CNTNAP5: variants seen among roughly 807,000 people sequenced by gnomAD.
The protein encoded by CNTNAP5 is contactin-associated protein-like 5.
Under a neutral mutation model 150.2 loss-of-function variants are expected in CNTNAP5, and 72 were observed. That is an observed-to-expected ratio of 0.48 (90% CI 0.40 to 0.58). CNTNAP5 has a LOEUF of 0.58. CNTNAP5 is among the 20% of genes least tolerant of loss of function. CNTNAP5 has a pLI of 0.00. For synonymous variants in CNTNAP5, 672 were observed against 619.8 expected (o/e 1.08, Z -1.25); for missense variants, 1,636 against 1,626.2 (o/e 1.01, Z -0.10).
intron 1 of CNTNAP5, among the ~76,000 whole-genome samples, chr2:124,172,162 A>C (rs1558785693): frequency 6.6e-6 from 1 of 152,214 alleles, no homozygotes; most frequent in Non-Finnish European, 1.5e-5. Context: ...AATTCTTGAG[A>C]GTACCAAGAA....
chr2:124,122,279 C>T (rs575513084), intron 1 of CNTNAP5, among the ~76,000 whole-genome samples: 17 of 152,250 alleles, frequency 1.1e-4, no homozygotes, highest in Admixed American at 2.0e-4. Flanking sequence ...AATGATATTA[C>T]TAATTAAATC....
At chr2:124,207,102 A>T (rs1380349809) in intron 1 of CNTNAP5, among the ~76,000 whole-genome samples, 1 of 152,224 alleles carries the variant, frequency 6.6e-6, no homozygotes, top group Non-Finnish European at 1.5e-5. Context: ...AGAAACGAGA[A>T]TCCCTTCCTA....
At chr2:124,417,213 C>T (rs891698256) in intron 3 of CNTNAP5, among the ~76,000 whole-genome samples, 2 of 152,086 alleles carry the variant, frequency 1.3e-5, no homozygotes, top group African/African-American at 4.8e-5. Flanking sequence ...GCTGGGATTA[C>T]AGGAGTGAGC....
At chr2:124,080,287 C>T (rs1682530701) in intron 1 of CNTNAP5, among the ~76,000 whole-genome samples, 1 of 152,086 alleles carries the variant, frequency 6.6e-6, no homozygotes, top group Non-Finnish European at 1.5e-5. Context: ...ATTTAGTAAG[C>T]TAAAATTTCA....
At chr2:124,716,807 A>G (rs1371358953) in intron 13 of CNTNAP5, among the ~76,000 whole-genome samples, 1 of 152,156 alleles carries the variant, frequency 6.6e-6, no homozygotes, top group Non-Finnish European at 1.5e-5. Context: ...AGGATGAGAG[A>G]AAATAAAATT....
At chr2:124,665,770 C>T (rs1239274286) in intron 13 of CNTNAP5, among the ~76,000 whole-genome samples, 1 of 151,886 alleles carries the variant, frequency 6.6e-6, no homozygotes, top group Admixed American at 6.6e-5. Flanking sequence ...CCTGTAGTCC[C>T]AGCTGCTTAG....
intron 19 of CNTNAP5, among the ~76,000 whole-genome samples, chr2:124,829,086 G>T (rs1354599166): frequency 1.3e-5 from 2 of 152,102 alleles, no homozygotes; most frequent in Non-Finnish European, 1.5e-5. Context: ...AAGGGCTAGG[G>T]TCATTCATAC....
chr2:124,034,025 C>G (rs1022759087), intron 1 of CNTNAP5, among the ~76,000 whole-genome samples: 11 of 152,108 alleles, frequency 7.2e-5, no homozygotes, highest in Admixed American at 5.2e-4. Flanking sequence ...GTGTGCAAAA[C>G]AAGTGTTGCT....
chr2:124,180,005 G>A (rs1685172206), intron 1 of CNTNAP5, among the ~76,000 whole-genome samples: 1 of 151,794 alleles, frequency 6.6e-6, no homozygotes, highest in Non-Finnish European at 1.5e-5. Flanking sequence ...AGGTAATTTG[G>A]GTAATTCCAC....
At chr2:124,285,326 G>T (rs764836688) in intron 3 of CNTNAP5, among the ~76,000 whole-genome samples, 1 of 152,104 alleles carries the variant, frequency 6.6e-6, no homozygotes, top group Non-Finnish European at 1.5e-5. Flanking sequence ...CATAGGCTGA[G>T]CTCCCTTTTC....
chr2:124,058,593 T>C (rs935799704), intron 1 of CNTNAP5, among the ~76,000 whole-genome samples: 1 of 152,188 alleles, frequency 6.6e-6, no homozygotes, highest in Non-Finnish European at 1.5e-5. Flanking sequence ...TAGTATACCA[T>C]TGTATATATC....
At position 124,035,022 on chromosome 2, in the gene CNTNAP5, CT is replaced by C. The variant is rs1681174432; in HGVS notation, c.82+9292del. 2.8e-4 allele frequency among the ~76,000 whole-genome samples: 7 copies of C among 24,760 alleles called. No homozygotes were observed. In the East Asian group the frequency reaches 3.9e-3, roughly 14 times the overall value. The allele number at this position is 24,760 out of a possible 152,430, so 16.2% of individuals were successfully genotyped here. On this transcript the variant is annotated intron_variant, in intron 1 of 23. Coordinates refer to ENST00000682447, the MANE Select transcript of CNTNAP5 (RefSeq NM_001367498.1). ...CCCTCCCCTCCCCTCCCCTCCCTCCCTTCCTTCCTTCCTTCTTCAGATATTT... is the reference window on the plus strand; with the variant it reads ...CCCTCCCCTCCCCTCCCCTCCCTCCCTCCTTCCTTCCTTCTTCAGATATTT...
rs200562881 is a variant in CNTNAP5 at position 124,242,357 on chromosome 2, C to T, written c.345C>T (p.Arg115=). ...GCCTGATGTTCAGTGACACAGGACG[C>T]AACTGGAAACAGTACAAACAAGAAG... ...SYSLMFSDTG[R]NWKQYKQEDS... The change falls in exon 3 of 24, where the codon CGC becomes CGT. Residue 115 remains arginine (R), a synonymous_variant. Transcript: ENST00000682447. 1.4e-4 allele frequency: 220 copies of T among 1,613,086 alleles called. No individual in the cohort carries two copies. Among genetic ancestry groups the T allele is most frequent in the Non-Finnish European group, 3.2e-5 (38 of 1,179,640 alleles).
At chr2:124,122,785 CACACACA>C (rs1558764181) in intron 1 of CNTNAP5, among the ~76,000 whole-genome samples, 57 of 149,012 alleles carry the variant, frequency 3.8e-4, no homozygotes, top group South Asian at 4.2e-4. Context: ...CACACACACA[CACACACA>C]CCCACACCTT....
At chr2:124,043,330 A>G (rs1056215683) in intron 1 of CNTNAP5, among the ~76,000 whole-genome samples, 3 of 152,196 alleles carry the variant, frequency 2.0e-5, no homozygotes, top group Admixed American at 2.0e-4. Flanking sequence ...AACAAAAATT[A>G]TAGTTGGTAG....
At chr2:124,722,587 T>C (rs1345411787) in intron 13 of CNTNAP5, among the ~76,000 whole-genome samples, 1 of 152,168 alleles carries the variant, frequency 6.6e-6, no homozygotes, top group Non-Finnish European at 1.5e-5. Context: ...TATGGTGGCC[T>C]TATATTCAAG....
intron 10 of CNTNAP5, among the ~76,000 whole-genome samples, chr2:124,533,477 C>A (rs1695159373): frequency 6.6e-6 from 1 of 152,144 alleles, no homozygotes. Context: ...AGCTTCTGCT[C>A]CTGGAGGACG....
intron 3 of CNTNAP5, among the ~76,000 whole-genome samples, chr2:124,242,733 GA>G (rs1297253440): frequency 6.6e-6 from 1 of 152,106 alleles, no homozygotes; most frequent in Non-Finnish European, 1.5e-5. Context: ...CTAATTTACT[GA>G]GTGTTTATTG....
At chr2:124,455,777 ATAT>A (rs1316460068) in intron 6 of CNTNAP5, among the ~76,000 whole-genome samples, 1 of 152,160 alleles carries the variant, frequency 6.6e-6, no homozygotes, top group Non-Finnish European at 1.5e-5. Context: ...AAGTCAATAA[ATAT>A]TATACACTAC....
Sources: gnomAD v4.1 joint callset for allele counts (sites outside exome capture counted in the v4.1 genomes callset) on GRCh38, gnomAD v4.1.1 for gene constraint, MANE v1.5 for transcripts, NCBI Gene and HGNC (gene_info 2026-07-23, HGNC 2026-07-21) for gene names.